SRBD1: variants seen among roughly 807,000 people sequenced by gnomAD.
SRBD1 encodes the protein S1 RNA-binding domain-containing protein 1.
Under a neutral mutation model 115.3 loss-of-function variants are expected in SRBD1, and 88 were observed. The observed-to-expected ratio is 0.76, with a 90% CI of 0.64 to 0.91. The LOEUF (loss-of-function observed/expected upper bound fraction) is 0.91. Among genes scored for constraint, SRBD1 ranks in the 40% least tolerant of loss-of-function variants. SRBD1 has a pLI of 0.00. For missense variants in SRBD1, 1,385 were observed against 1,177.4 expected (o/e 1.18, Z -2.58); for synonymous variants, 509 against 407.7 (o/e 1.25, Z -2.99).
chr2:45,566,512 T>C (rs923255988), intron 9 of SRBD1, among the ~76,000 whole-genome samples: 2 of 152,150 alleles, frequency 1.3e-5, no homozygotes, highest in Non-Finnish European at 2.9e-5. Context: ...GACAAATCTA[T>C]AGAGATAGAA....
chr2:45,494,191 G>C (rs1294227215), intron 14 of SRBD1, among the ~76,000 whole-genome samples: 1 of 152,004 alleles, frequency 6.6e-6, no homozygotes, highest in Non-Finnish European at 1.5e-5. Context: ...AGTTAAAACT[G>C]GGTAAAGAAA....
rs550549586 is a variant in SRBD1, at chr2:45,396,965, T to C, written c.2514-3836A>G. The stretch of plus-strand genomic sequence containing the variant: ...TGATTTACAACTCCACCAAGAACCA[T>C]GCTATAAGGGCAAAGTACATCTAAT... On this transcript the variant is annotated intron_variant, in intron 19 of 20. Coordinates refer to ENST00000263736, the MANE Select transcript of SRBD1 (RefSeq NM_018079.5). 3.9e-5 allele frequency among the ~76,000 whole-genome samples: 6 copies of C among 152,200 alleles called. No homozygotes were observed. In the East Asian group the frequency reaches 5.8e-4, roughly 15 times the overall value.
intron 16 of SRBD1, among the ~76,000 whole-genome samples, chr2:45,434,912 C>T (rs1668443788): frequency 6.6e-6 from 1 of 151,838 alleles, no homozygotes; most frequent in Non-Finnish European, 1.5e-5. Context: ...TAATGCTATC[C>T]CTCCCCGCTC....
At chr2:45,606,966 G>A (rs575540425) in intron 1 of SRBD1, among the ~76,000 whole-genome samples, 1 of 152,272 alleles carries the variant, frequency 6.6e-6, no homozygotes, top group Non-Finnish European at 1.5e-5. Context: ...GTCACAAAAG[G>A]GAATATGTTC....
At position 45,389,141 on chromosome 2, in the gene SRBD1, G is replaced by T; in HGVS notation, c.*169C>A. On this transcript the variant is annotated 3_prime_UTR_variant, in exon 21 of 21. Coordinates refer to ENST00000263736, the MANE Select transcript of SRBD1 (RefSeq NM_018079.5). ...TAAGGGAAAAGGAAATCAAACTGTT[G>T]GTTTTCTATTTATTCAGAAGAAAAA... is the stretch of plus-strand genomic sequence containing the variant. 1.3e-6 allele frequency: 1 copy of T among 779,108 alleles called. No individual in the cohort carries two copies. The highest frequency in any genetic ancestry group is 2.0e-6 in the Non-Finnish European group (1 of 503,404). The allele number at this position is 779,108 out of a possible 1,614,324, so 48.3% of individuals were successfully genotyped here. A position where few individuals can be genotyped will look rare whatever the true frequency, so the allele number is the denominator to read the frequency against.
At chr2:45,579,436 A>G (rs985111233) in intron 7 of SRBD1, among the ~76,000 whole-genome samples, 2 of 152,184 alleles carry the variant, frequency 1.3e-5, no homozygotes, top group African/African-American at 4.8e-5. Flanking sequence ...AATATAGGAG[A>G]ATCTTTATAA....
intron 14 of SRBD1, among the ~76,000 whole-genome samples, chr2:45,515,106 A>G (rs1200009768): frequency 6.6e-6 from 1 of 152,220 alleles, no homozygotes; most frequent in African/African-American, 2.4e-5. Flanking sequence ...ATTCCATGAG[A>G]ACATGGGAAC....
chr2:45,547,933 T>A (rs1464916225), intron 12 of SRBD1, among the ~76,000 whole-genome samples: 1 of 152,234 alleles, frequency 6.6e-6, no homozygotes, highest in Non-Finnish European at 1.5e-5. Flanking sequence ...TTAGTATATG[T>A]CAGACACTGT....
intron 16 of SRBD1, among the ~76,000 whole-genome samples, chr2:45,425,216 G>C (rs978670138): frequency 6.6e-6 from 1 of 152,134 alleles, no homozygotes; most frequent in East Asian, 1.9e-4. Flanking sequence ...GCAAGACTGA[G>C]ACAATGAAAA....
intron 8 of SRBD1, among the ~76,000 whole-genome samples, chr2:45,574,136 C>G (rs961290177): frequency 8.6e-5 from 13 of 151,970 alleles, no homozygotes; most frequent in African/African-American, 2.4e-4. Context: ...GACTGTGATG[C>G]CATAGATAAG....
chr2:45,503,602 GA>G (rs1670705090), intron 14 of SRBD1, among the ~76,000 whole-genome samples: 1 of 152,046 alleles, frequency 6.6e-6, no homozygotes, highest in Admixed American at 6.6e-5. Context: ...TTTCTTAGTT[GA>G]AAATCTATTG....
At position 45,547,616 on chromosome 2, in the gene SRBD1, TA is replaced by T; in HGVS notation, c.1676-5del. ...ACATCAGTATGAAGTATCTGACCTT[TA>T]AAAAATGAAAAGAATAAGCCATTTT... is the stretch of plus-strand genomic sequence containing the variant. On this transcript the variant is annotated splice_region_variant and splice_polypyrimidine_tract_variant and intron_variant, in intron 12 of 20. Transcript: ENST00000263736. The T allele has an allele frequency of 6.2e-7, 1 of 1,603,024 alleles. No homozygotes were observed. The highest frequency in any genetic ancestry group is 8.5e-7 in the Non-Finnish European group (1 of 1,176,158).
At chr2:45,579,817 T>A (rs542150079) in intron 7 of SRBD1, 58 bp downstream of exon 7, 2 of 1,457,318 alleles carry the variant, frequency 1.4e-6, no homozygotes, top group Admixed American at 5.1e-5. Flanking sequence ...AACATACGTT[T>A]TTAAATTAAA....
At chr2:45,575,973 G>A (rs562181477) in intron 7 of SRBD1, among the ~76,000 whole-genome samples, 108 of 152,220 alleles carry the variant, frequency 7.1e-4, no homozygotes, top group Non-Finnish European at 1.4e-3. Context: ...CAAAGTGTTG[G>A]GATTACAGGC....
rs1669772149 is a variant in SRBD1, at chr2:45,475,287, T to C, written c.2049+1706A>G. Among the ~76,000 whole-genome samples the C allele has an allele frequency of 2.6e-5, 4 of 152,268 alleles. No individual in the cohort carries two copies. In the South Asian group the frequency reaches 8.3e-4, roughly 32 times the overall value. On this transcript the variant is annotated intron_variant, in intron 16 of 20. Coordinates refer to ENST00000263736, the MANE Select transcript of SRBD1 (RefSeq NM_018079.5). The stretch of plus-strand genomic sequence containing the variant: ...TCCATCTTTACTGCCATTAACTTTG[T>C]CCAAGCACTATTATTTCTCACCTGG...
intron 14 of SRBD1, among the ~76,000 whole-genome samples, chr2:45,490,686 G>A (rs1443739622): frequency 6.6e-6 from 1 of 152,062 alleles, no homozygotes; most frequent in East Asian, 1.9e-4. Context: ...TAGCAACTGG[G>A]TACCTGAGAA....
intron 16 of SRBD1, among the ~76,000 whole-genome samples, chr2:45,460,245 T>C (rs1157570094): frequency 3.3e-5 from 5 of 152,164 alleles, no homozygotes; most frequent in African/African-American, 1.2e-4. Flanking sequence ...CTAATTCTGG[T>C]AGCATGCCCG....
At chr2:45,592,697 T>C (rs534333505) in intron 4 of SRBD1, among the ~76,000 whole-genome samples, 2 of 152,272 alleles carry the variant, frequency 1.3e-5, no homozygotes, top group South Asian at 2.1e-4. Flanking sequence ...CATTCAACAA[T>C]GGATCCACTC....
At chr2:45,610,725 GGTGCTTCCTC>G (rs1247909453) in intron 1 of SRBD1, among the ~76,000 whole-genome samples, 2 of 152,116 alleles carry the variant, frequency 1.3e-5, no homozygotes, top group Non-Finnish European at 2.9e-5. Flanking sequence ...CCGTGAAAAG[GGTGCTTCCTC>G]TCCCACCTCC....
Sources: gnomAD v4.1 joint callset for allele counts (sites outside exome capture counted in the v4.1 genomes callset) on GRCh38, gnomAD v4.1.1 for gene constraint, MANE v1.5 for transcripts, NCBI Gene and HGNC (gene_info 2026-07-23, HGNC 2026-07-21) for gene names.